The following NAV3 variants were observed in gnomAD, a reference collection of about 807,000 sequenced individuals.
The protein encoded by NAV3 is neuron navigator 3.
In NAV3, 87 loss-of-function variants were observed where a neutral mutation model predicts 244.7. The ratio of observed to expected loss-of-function variants is 0.36; its 90% CI spans 0.30 to 0.42. The LOEUF (loss-of-function observed/expected upper bound fraction) is 0.42. NAV3 is among the 20% of genes least tolerant of loss of function. The pLI is 1.00. For missense variants in NAV3, 2,663 were observed against 2,893.3 expected (o/e 0.92, Z 1.83); for synonymous variants, 1,126 against 1,042.2 (o/e 1.08, Z -1.55).
chr12:77,681,005 A>C (rs1874428264), intron 2 of NAV3, among the ~76,000 whole-genome samples: 1 of 152,162 alleles, frequency 6.6e-6, no homozygotes, highest in African/African-American at 2.4e-5. Context: ...ATTCTTTGTT[A>C]GATTTCTGGC....
At chr12:77,972,010 C>G (rs966222190) in intron 5 of NAV3, among the ~76,000 whole-genome samples, 1 of 151,902 alleles carries the variant, frequency 6.6e-6, no homozygotes, top group African/African-American at 2.4e-5. Context: ...TTCATTTAAA[C>G]AGAAATTTGG....
chr12:78,010,494 T>TC (rs1875078786), intron 8 of NAV3, among the ~76,000 whole-genome samples: 1 of 152,064 alleles, frequency 6.6e-6, no homozygotes, highest in Admixed American at 6.6e-5. Flanking sequence ...AAAAATGTCA[T>TC]CCCCCATTTT....
rs1166871273 is a variant in NAV3, at chr12:77,994,862, A to G, written c.731A>G (p.Lys244Arg). ...AGTGGAATTGCAACCAGTCAAAAAAAGCCTACTAGGTCAGTTAATATTCTC... is the reference window on the plus strand; with the variant it reads ...AGTGGAATTGCAACCAGTCAAAAAAGGCCTACTAGGTCAGTTAATATTCTC... ...NHSGIATSQK[K>R]PTRLPGPSRV... Residue 244 changes from lysine (K) to arginine (R), a missense_variant, in exon 6 of 40, where the codon AAG becomes AGG. By Grantham distance (26) the Lys-to-Arg change is conservative. Around this residue, in one of 6 missense-constraint regions of NAV3, gnomAD observed 1,521 missense variants for 1,497.0 expected, o/e 1.02. Coordinates refer to ENST00000397909, the MANE Select transcript of NAV3 (RefSeq NM_001024383.2). The G allele has an allele frequency of 3.1e-6, 5 of 1,607,580 alleles. No homozygotes were observed. Among genetic ancestry groups the G allele is most frequent in the Admixed American group, 1.7e-5 (1 of 59,536 alleles).
rs983151304 is a variant in NAV3 at position 77,982,348 on chromosome 12, G to A, written c.672-12455G>A. On this transcript the variant is annotated intron_variant, in intron 5 of 39. Transcript: ENST00000397909. Reference sequence around the variant, plus strand: ...AATTGGCCCTCACCATGAGCCAAGAGATACATCAGATATGTGGCTAAGATA... The same window carrying A: ...AATTGGCCCTCACCATGAGCCAAGAAATACATCAGATATGTGGCTAAGATA... Among the ~76,000 whole-genome samples, 3 of 61,568 alleles carry A rather than the reference G, an allele frequency of 4.9e-5. 1 individual carries two copies. The highest frequency in any genetic ancestry group is 1.2e-3 in the East Asian group (2 of 1,738). The allele number at this position is 61,568 out of a possible 152,430, so 40.4% of individuals were successfully genotyped here.
chr12:77,680,754 C>T (rs1408857874), intron 2 of NAV3, among the ~76,000 whole-genome samples: 1 of 151,796 alleles, frequency 6.6e-6, no homozygotes, highest in South Asian at 2.1e-4. Flanking sequence ...TATCTCTATA[C>T]ACACGAGAAT....
chr12:78,004,629 T>C (rs2136524871), intron 7 of NAV3, among the ~76,000 whole-genome samples: 1 of 152,344 alleles, frequency 6.6e-6, no homozygotes, highest in Middle Eastern at 3.4e-3. Context: ...ATTCATTCTG[T>C]AGAAACTACA....
chr12:77,937,370 C>G (rs1889422268), intron 1 of NAV3, among the ~76,000 whole-genome samples: 1 of 152,138 alleles, frequency 6.6e-6, no homozygotes, highest in South Asian at 2.1e-4. Flanking sequence ...ACTAGCTGGC[C>G]TCCCATTTGT....
chr12:77,869,021 G>A (rs543558644), intron 1 of NAV3, among the ~76,000 whole-genome samples: 4 of 151,104 alleles, frequency 2.6e-5, no homozygotes, highest in East Asian at 1.9e-4. Flanking sequence ...GCAGTGAACC[G>A]AGATCGAGGT....
At chr12:77,743,719 T>C (rs1465237951) in intron 2 of NAV3, among the ~76,000 whole-genome samples, 1 of 151,906 alleles carries the variant, frequency 6.6e-6, no homozygotes, top group Non-Finnish European at 1.5e-5. Context: ...TACATCTATA[T>C]GATTCCATAT....
chr12:77,871,859 C>T (rs1333879487), intron 1 of NAV3, among the ~76,000 whole-genome samples: 2 of 152,140 alleles, frequency 1.3e-5, no homozygotes, highest in East Asian at 3.9e-4. Flanking sequence ...TGAGGAATTG[C>T]CCCACTGTCT....
intron 1 of NAV3, among the ~76,000 whole-genome samples, chr12:77,930,011 T>G (rs954043694): frequency 6.6e-6 from 1 of 152,050 alleles, no homozygotes; most frequent in Non-Finnish European, 1.5e-5. Context: ...TAAAATAACA[T>G]GTAAAGTTCT....
At chr12:78,191,817 C>A (rs1958993956) in intron 34 of NAV3, among the ~76,000 whole-genome samples, 1 of 152,068 alleles carries the variant, frequency 6.6e-6, no homozygotes, top group Admixed American at 6.6e-5. Context: ...TTTGAAAGGC[C>A]TCTTAGTCAT....
At chr12:77,621,769 C>T (rs1013413878) in intron 2 of NAV3, among the ~76,000 whole-genome samples, 1 of 152,110 alleles carries the variant, frequency 6.6e-6, no homozygotes, top group Non-Finnish European at 1.5e-5. Flanking sequence ...TGAGCCACTG[C>T]ACCCGGCCTG....
chr12:78,094,592 A>G (rs73143951), intron 12 of NAV3, among the ~76,000 whole-genome samples: 17,146 of 152,292 alleles, frequency 0.11, 1,023 homozygotes, highest in Non-Finnish European at 0.13. Flanking sequence ...TAAATATACA[A>G]TTATAAATAT....
intron 12 of NAV3, among the ~76,000 whole-genome samples, chr12:78,101,936 A>G (rs1293812015): frequency 1.3e-5 from 2 of 152,210 alleles, no homozygotes; most frequent in East Asian, 3.8e-4. Context: ...TAAAAAGTAT[A>G]TCTCTTTCTT....
At chr12:78,193,485 T>C (rs533190854) in intron 34 of NAV3, among the ~76,000 whole-genome samples, 2 of 152,308 alleles carry the variant, frequency 1.3e-5, no homozygotes, top group Admixed American at 1.3e-4. Context: ...ACCATTTTTA[T>C]GTAACTGTGG....
intron 39 of NAV3, among the ~76,000 whole-genome samples, chr12:78,210,100 G>A (rs1011410154): frequency 1.3e-5 from 2 of 152,162 alleles, no homozygotes; most frequent in Admixed American, 1.3e-4. Context: ...AACGAACCCA[G>A]ATGTCCAGCT....
intron 30 of NAV3, among the ~76,000 whole-genome samples, chr12:78,183,526 A>G (rs1280681568): frequency 1.3e-5 from 2 of 151,968 alleles, no homozygotes; most frequent in African/African-American, 4.8e-5. Context: ...TAAGCAGCAG[A>G]ACTAATAATC....
At chr12:77,758,290 T>G (rs1869287157) in intron 2 of NAV3, among the ~76,000 whole-genome samples, 1 of 152,160 alleles carries the variant, frequency 6.6e-6, no homozygotes, top group South Asian at 2.1e-4. Context: ...ATTTATGCAT[T>G]GTCTTCCCTC....
Sources: gnomAD v4.1 joint callset for allele counts (sites outside exome capture counted in the v4.1 genomes callset) on GRCh38, gnomAD v4.1.1 for gene constraint, gnomAD v4.1.1 regional missense constraint, MANE v1.5 for transcripts, NCBI Gene and HGNC (gene_info 2026-07-23, HGNC 2026-07-21) for gene names.